Variants in TSG101 observed in about 807,000 individuals in gnomAD.
TSG101 encodes the protein tumor susceptibility 101, also known as tumor susceptibility gene 101 protein.
In TSG101, 19 loss-of-function variants were observed where a neutral mutation model predicts 48.5. The observed-to-expected ratio is 0.39, with a 90% CI of 0.27 to 0.58. The LOEUF is 0.58. Among genes scored for constraint, TSG101 ranks in the 20% least tolerant of loss-of-function variants. TSG101 has a pLI of 0.55. For synonymous variants in TSG101, 174 were observed against 169.4 expected, an observed-to-expected ratio of 1.03 and a Z score of -0.21; for missense variants, 365 against 484.4, an observed-to-expected ratio of 0.75 and a Z score of 2.31.
chr11:18,519,493 T>C lies in TSG101; in HGVS notation c.127+26A>G, dbSNP rs199766860. The C allele has an allele frequency of 2.8e-5, 42 of 1,518,610 alleles. No homozygotes were observed. The East Asian group carries it at 4.8e-4, about 17-fold the overall frequency. The allele number at this position is 1,518,610 out of a possible 1,614,324, so 94.1% of individuals were successfully genotyped here. A position where few individuals can be genotyped will look rare whatever the true frequency, so the allele number is the denominator to read the frequency against. On this transcript the variant is annotated intron_variant, in intron 2 of 9. Transcript: ENST00000251968. ...AGAGAGTAAACTCAAAGTATAGAAATTGCTATTTTTACTGCATAAACTCAC... is the reference window on the plus strand; with the variant it reads ...AGAGAGTAAACTCAAAGTATAGAAACTGCTATTTTTACTGCATAAACTCAC...
chr11:18,496,992 G>A (rs1849793244), intron 7 of TSG101, among the ~76,000 whole-genome samples: 1 of 152,118 alleles, frequency 6.6e-6, no homozygotes, highest in Admixed American at 6.5e-5. Flanking sequence ...TTGGGAGGCT[G>A]AGGCAGTAGA....
intron 7 of TSG101, among the ~76,000 whole-genome samples, chr11:18,484,719 T>C (rs2133902755): frequency 6.6e-6 from 1 of 152,352 alleles, no homozygotes; most frequent in African/African-American, 2.4e-5. Context: ...TATTATATCA[T>C]TTCCATGCAT....
At chr11:18,499,396 ATATATATTTT>A (rs1382340407) in intron 7 of TSG101, among the ~76,000 whole-genome samples, 1 of 3,734 alleles carries the variant, frequency 2.7e-4, no homozygotes, top group African/African-American at 6.0e-4. Context: ...ATATATATAT[ATATATATTTT>A]TTTTTTTTTT....
chr11:18,524,168 G>A (rs570602574), intron 1 of TSG101, among the ~76,000 whole-genome samples: 25 of 152,176 alleles, frequency 1.6e-4, no homozygotes, highest in Non-Finnish European at 2.6e-4. Context: ...AAATATAAGT[G>A]GCTGTATGTA....
intron 7 of TSG101, among the ~76,000 whole-genome samples, chr11:18,499,538 G>A (rs539871763): frequency 4.0e-4 from 58 of 144,832 alleles, no homozygotes; most frequent in African/African-American, 1.4e-3. Flanking sequence ...AGCTTCTTGA[G>A]TAGCTAGGAT....
At chr11:18,502,943 G>T (rs3925781) in intron 6 of TSG101, among the ~76,000 whole-genome samples, 55,917 of 151,982 alleles carry the variant, frequency 0.37, 10,825 homozygotes, top group East Asian at 0.66. Flanking sequence ...TATTTAATTT[G>T]TACCTGTGGC....
intron 4 of TSG101, 29 bp from the exon 5 acceptor site, chr11:18,509,694 C>G: frequency 6.4e-7 from 1 of 1,555,746 alleles, no homozygotes; most frequent in East Asian, 2.3e-5. Context: ...TTCAAGTCAG[C>G]TACAGAGTTG....
intron 1 of TSG101, among the ~76,000 whole-genome samples, chr11:18,523,021 C>T (rs1338713390): frequency 6.6e-6 from 1 of 152,098 alleles, no homozygotes; most frequent in Non-Finnish European, 1.5e-5. Context: ...TCCCAACCAG[C>T]TGGGATTAGA....
intron 3 of TSG101, 116 bp from the exon 4 acceptor site, chr11:18,514,957 C>A (rs955359716): frequency 3.2e-6 from 3 of 928,100 alleles, no homozygotes; most frequent in African/African-American, 1.8e-5. Context: ...CGCATCCCCC[C>A]CATTCCTATT....
rs1458630149 is a variant in TSG101 at position 18,499,253 on chromosome 11, AT to A, written c.640+3232del. On this transcript the variant is annotated intron_variant, in intron 7 of 9. Coordinates refer to ENST00000251968, the MANE Select transcript of TSG101 (RefSeq NM_006292.4). ...ATGATATATAATTATATATTTATAT[AT>A]TATATATATTTTATATATATTTATA... is the stretch of plus-strand genomic sequence containing the variant. 1.1e-4 allele frequency among the ~76,000 whole-genome samples: 15 copies of A among 134,724 alleles called. No homozygotes were observed. In the East Asian group the frequency reaches 2.0e-3, roughly 18 times the overall value. The allele number at this position is 134,724 out of a possible 152,430, so 88.4% of individuals were successfully genotyped here. A position where few individuals can be genotyped will look rare whatever the true frequency, so the allele number is the denominator to read the frequency against.
chr11:18,481,542 C>A (rs1849540402), intron 9 of TSG101, 88 bp downstream of exon 9: 1 of 1,527,170 alleles, frequency 6.5e-7, no homozygotes, highest in Non-Finnish European at 8.7e-7. Context: ...ATCCATACTA[C>A]AAAGAAACTC....
At chr11:18,484,184 G>T in intron 7 of TSG101, 112 bp from the exon 8 acceptor site, 1 of 1,032,658 alleles carries the variant, frequency 9.7e-7, no homozygotes, top group Non-Finnish European at 1.4e-6. Context: ...CAAAATGTGA[G>T]GAAAGAAAAA....
At chr11:18,484,665 A>G (rs1849592316) in intron 7 of TSG101, among the ~76,000 whole-genome samples, 1 of 152,240 alleles carries the variant, frequency 6.6e-6, no homozygotes, top group East Asian at 1.9e-4. Flanking sequence ...GTTTATTCCC[A>G]GATTCTTTAC....
chr11:18,485,762 T>C (rs1849611586), intron 7 of TSG101, among the ~76,000 whole-genome samples: 1 of 152,166 alleles, frequency 6.6e-6, no homozygotes, highest in South Asian at 2.1e-4. Context: ...TGCTGAAAAG[T>C]CATTAATAGA....
rs565720051 is a variant in TSG101, at chr11:18,496,947, C to T, written c.640+5539G>A. ...CTCTACTAAAAATATAAAAATTAGC[C>T]GGGTGTGGTGGTACGCTCCTCTAAT... On this transcript the variant is annotated intron_variant, in intron 7 of 9. Transcript: ENST00000251968. 5.9e-5 allele frequency among the ~76,000 whole-genome samples: 9 copies of T among 151,872 alleles called. No individual in the cohort carries two copies. In the South Asian group the frequency reaches 1.9e-3, roughly 32 times the overall value.
Position 18,502,518 on chromosome 11 carries a change from T to G in TSG101, c.608A>C (p.Gln203Pro). The change falls in exon 7 of 10, where the codon CAG (glutamine) becomes CCG (proline). Residue 203 changes from glutamine (Q) to proline (P), a missense_variant. Physicochemically the swap from Gln to Pro is moderately conservative, Grantham distance 76 (BLOSUM62 -1). Coordinates refer to ENST00000251968, the MANE Select transcript of TSG101 (RefSeq NM_006292.4). ...GGTCACAGGAGGCTGAGAAGGGTAC[T>G]GAGAACTTGTTGTGGCAGGATATGG... is the stretch of plus-strand genomic sequence containing the variant. ...GGPYPATTSS[Q>P]YPSQPPVTTV... 6.2e-7 allele frequency: 1 copy of G among 1,613,510 alleles called. No individual in the cohort carries two copies. The highest frequency in any genetic ancestry group is 8.5e-7 in the Non-Finnish European group (1 of 1,179,716).
At position 18,481,478 on chromosome 11, in the gene TSG101, T is replaced by C. The variant is rs930752944; in HGVS notation, c.1083+152A>G. ...CCTCAGTACTCTGTAGGTAAAAAGATGGTGCAAAACCCTACATCTCATTTA... is the reference window on the plus strand; with the variant it reads ...CCTCAGTACTCTGTAGGTAAAAAGACGGTGCAAAACCCTACATCTCATTTA... On this transcript the variant is annotated intron_variant, in intron 9 of 9. Coordinates refer to ENST00000251968, the MANE Select transcript of TSG101 (RefSeq NM_006292.4). 2.2e-5 allele frequency: 31 copies of C among 1,430,662 alleles called. No homozygotes were observed. The African/African-American group carries it at 4.2e-4, about 19-fold the overall frequency. 88.6% of individuals were successfully genotyped at this position (1,430,662 alleles called of 1,614,324 possible).
chr11:18,482,857 T>C (rs1292623115), intron 8 of TSG101, among the ~76,000 whole-genome samples: 1 of 152,182 alleles, frequency 6.6e-6, no homozygotes, highest in Non-Finnish European at 1.5e-5. Flanking sequence ...CTTAGAACTC[T>C]CTAAACTTAT....
At chr11:18,512,084 AG>A (rs1850093470) in intron 4 of TSG101, among the ~76,000 whole-genome samples, 1 of 152,124 alleles carries the variant, frequency 6.6e-6, no homozygotes, top group Admixed American at 6.6e-5. Context: ...ATCTACTTCC[AG>A]GCCTAATATA....
Sources: gnomAD v4.1 joint callset for allele counts (sites outside exome capture counted in the v4.1 genomes callset) on GRCh38, gnomAD v4.1.1 for gene constraint, MANE v1.5 for transcripts, NCBI Gene and HGNC (gene_info 2026-07-23, HGNC 2026-07-21) for gene names.